The following GFRA2 variants were observed in gnomAD, a reference collection of about 807,000 sequenced individuals.
GFRA2 encodes GDNF family receptor alpha-2.
A neutral mutation model predicts 48.3 loss-of-function variants in GFRA2; 17 were observed. The observed-to-expected ratio is 0.35, with a 90% CI of 0.24 to 0.53. The LOEUF (loss-of-function observed/expected upper bound fraction) is 0.53, where lower values mean the gene tolerates loss of function less well. Among genes scored for constraint, GFRA2 ranks in the 20% least tolerant of loss-of-function variants. GFRA2 has a pLI of 0.93. For synonymous variants in GFRA2, 305 were observed against 257.2 expected, an observed-to-expected ratio of 1.19 and a Z score of -1.78; for missense variants, 660 against 637.3, an observed-to-expected ratio of 1.04 and a Z score of -0.38.
chr8:21,779,161 C>T (rs1307233010), intron 2 of GFRA2, among the ~76,000 whole-genome samples: 4 of 152,350 alleles, frequency 2.6e-5, no homozygotes, highest in African/African-American at 9.6e-5. Flanking sequence ...GATCATGCCA[C>T]TGCCCTCTAG....
chr8:21,782,645 T>C lies in GFRA2; in HGVS notation c.295A>G (p.Met99Val). The change falls in exon 2 of 9, where the codon ATG becomes GTG. Residue 99 changes from methionine to valine, a missense_variant. Transcript: ENST00000524240. ...PLYDCRCKRG[M>V]KKELQCLQIY... ...TGCAGACACTGCAGCTCCTTCTTCA[T>C]GCCCCGCTTGCAGCGGCAGTCGTAC... 2 of 1,585,664 alleles carry C rather than the reference T, an allele frequency of 1.3e-6. No homozygotes were observed. Among genetic ancestry groups the C allele is most frequent in the East Asian group, 4.7e-5 (2 of 43,000 alleles).
At chr8:21,724,898 C>T (rs1207114965) in intron 4 of GFRA2, among the ~76,000 whole-genome samples, 1 of 152,106 alleles carries the variant, frequency 6.6e-6, no homozygotes, top group Non-Finnish European at 1.5e-5. Context: ...CGATGTCTTG[C>T]CTAGGCTGCA....
intron 1 of GFRA2, among the ~76,000 whole-genome samples, chr8:21,810,736 A>C (rs1488438125): frequency 1.3e-5 from 2 of 152,164 alleles, no homozygotes; most frequent in African/African-American, 4.8e-5. Context: ...TGGAAAAAAA[A>C]GGAGTTGGTG....
At position 21,753,395 on chromosome 8, in the gene GFRA2, G is replaced by T. The variant is rs1805392822; in HGVS notation, c.440-2453C>A. 3.9e-5 allele frequency among the ~76,000 whole-genome samples: 6 copies of T among 152,344 alleles called. No individual in the cohort carries two copies. In the South Asian group the frequency reaches 1.2e-3, roughly 32 times the overall value. The stretch of plus-strand genomic sequence containing the variant: ...GGCCGAGGCAGGCAGATCATCTGAG[G>T]TCAGGAGTTCGAGGCCAGACTGGCC... On this transcript the variant is annotated intron_variant, in intron 3 of 8. Transcript: ENST00000524240.
rs553093069 is a variant in GFRA2, at chr8:21,701,250, TG to T, written c.1218+1554del. ...TCTACTAAAAATAAAAAATATTAGC[TG>T]GGCATGTTGGCGGGTGCCTGTAGTC... On this transcript the variant is annotated intron_variant, in intron 7 of 8. Transcript: ENST00000524240. Among the ~76,000 whole-genome samples the T allele has an allele frequency of 3.9e-5, 6 of 152,168 alleles. No homozygotes were observed. The East Asian group carries it at 1.2e-3, about 29-fold the overall frequency.
chr8:21,783,303 C>T (rs1440690814), intron 1 of GFRA2, among the ~76,000 whole-genome samples: 1 of 152,144 alleles, frequency 6.6e-6, no homozygotes, highest in African/African-American at 2.4e-5. Flanking sequence ...TTGCATACCA[C>T]CCAGGCCTCC....
chr8:21,781,840 G>C (rs959677183), intron 2 of GFRA2, among the ~76,000 whole-genome samples: 27 of 152,326 alleles, frequency 1.8e-4, no homozygotes, highest in Non-Finnish European at 3.1e-4. Flanking sequence ...AGGTCTGGAG[G>C]GGGAGGGGAT....
intron 2 of GFRA2, among the ~76,000 whole-genome samples, chr8:21,801,813 C>G (rs1246586844): frequency 6.6e-6 from 1 of 152,242 alleles, no homozygotes; most frequent in Non-Finnish European, 1.5e-5. Context: ...TCACAAGGTG[C>G]TGCCCGCAGC....
chr8:21,733,897 C>T (rs750705852), intron 4 of GFRA2, among the ~76,000 whole-genome samples: 3 of 152,070 alleles, frequency 2.0e-5, no homozygotes, highest in African/African-American at 4.8e-5. Context: ...CCCCAGGCTC[C>T]GACAAAAGAA....
At chr8:21,809,174 C>G (rs1404262429) in intron 1 of GFRA2, among the ~76,000 whole-genome samples, 1 of 152,162 alleles carries the variant, frequency 6.6e-6, no homozygotes, top group Non-Finnish European at 1.5e-5. Flanking sequence ...GACCCGCACT[C>G]CATGCTTTTT....
chr8:21,736,248 C>G (rs1804458146), intron 4 of GFRA2, among the ~76,000 whole-genome samples: 1 of 152,026 alleles, frequency 6.6e-6, no homozygotes. Flanking sequence ...GGACACACAC[C>G]CATCAGGAAA....
intron 1 of GFRA2, 150 bp downstream of exon 1, chr8:21,787,969 GC>G: frequency 2.3e-6 from 1 of 433,322 alleles, no homozygotes; most frequent in Non-Finnish European, 3.9e-6. Context: ...CTGCCGCCCG[GC>G]CCCGCTCGGT....
At chr8:21,770,364 C>G (rs2117688531) in intron 3 of GFRA2, among the ~76,000 whole-genome samples, 1 of 152,368 alleles carries the variant, frequency 6.6e-6, no homozygotes. Flanking sequence ...CCTGCACTAT[C>G]TCATTTAGTC....
At chr8:21,715,501 G>A (rs1803287155) in intron 4 of GFRA2, among the ~76,000 whole-genome samples, 2 of 152,262 alleles carry the variant, frequency 1.3e-5, no homozygotes, top group South Asian at 4.2e-4. Context: ...TAGAGACGGG[G>A]TTTTACCATA....
At chr8:21,696,686 G>A (rs1309895990) in intron 7 of GFRA2, among the ~76,000 whole-genome samples, 4 of 152,182 alleles carry the variant, frequency 2.6e-5, no homozygotes, top group African/African-American at 7.2e-5. Context: ...GAGAGCAAAG[G>A]GGGCCTGCAA....
At chr8:21,729,121 TAGC>T (rs1804047029) in intron 4 of GFRA2, among the ~76,000 whole-genome samples, 2 of 152,240 alleles carry the variant, frequency 1.3e-5, no homozygotes, top group South Asian at 4.2e-4. Flanking sequence ...GGCCTTTACT[TAGC>T]AGTCATAAAC....
intron 7 of GFRA2, among the ~76,000 whole-genome samples, chr8:21,699,737 A>T (rs1223612540): frequency 6.6e-6 from 1 of 152,232 alleles, no homozygotes; most frequent in Non-Finnish European, 1.5e-5. Flanking sequence ...TAGGAGAAGG[A>T]AGAGAGCTGC....
In GFRA2 at chr8:21,788,822, T is replaced by C. The variant is rs1481307154; in HGVS notation, c.-663A>G. ...CGTGCGTGTGTCTTTCTCTCTCCTC[T>C]CTCTCTCTCTCCTCTCCCTCGCTCG... On this transcript the variant is annotated 5_prime_UTR_variant, in exon 1 of 9. Transcript: ENST00000524240. 3 of 977,064 alleles carry C rather than the reference T, an allele frequency of 3.1e-6. No individual in the cohort carries two copies. In the East Asian group the frequency reaches 3.4e-4, roughly 112 times the overall value. The allele number at this position is 977,064 out of a possible 1,614,324, so 60.5% of individuals were successfully genotyped here.
rs765945955 is a variant in GFRA2, at chr8:21,705,921, G to C, written c.904+11C>G. ...GGACCCACAGAGCCCAGGTGAGCAG[G>C]AAGAGCTTACCAATCATGCCAGCAT... On this transcript the variant is annotated intron_variant, in intron 5 of 8. Transcript: ENST00000524240. 1.3e-6 allele frequency: 2 copies of C among 1,521,066 alleles called. No homozygotes were observed. The highest frequency in any genetic ancestry group is 1.8e-6 in the Non-Finnish European group (2 of 1,118,066). 94.2% of individuals were successfully genotyped at this position (1,521,066 alleles called of 1,614,324 possible).
Sources: allele counts gnomAD v4.1 joint callset (sites outside exome capture counted in the v4.1 genomes callset), GRCh38; gene constraint gnomAD v4.1.1; transcripts MANE v1.5; gene names NCBI Gene and HGNC (gene_info 2026-07-23, HGNC 2026-07-21).